C9: variants seen among roughly 807,000 people sequenced by gnomAD.
C9 encodes the protein complement component C9.
A neutral mutation model predicts 65.4 loss-of-function variants in C9; 63 were observed. That is an observed-to-expected ratio of 0.96 (90% CI 0.79 to 1.19). The LOEUF is 1.19. Among genes scored for constraint, C9 ranks in the 50% most tolerant of loss-of-function variants. The pLI is 0.00. For synonymous variants in C9, 229 were observed against 227.9 expected (o/e 1.00, Z -0.04); for missense variants, 744 against 670.1 (o/e 1.11, Z -1.22).
intron 1 of C9, among the ~76,000 whole-genome samples, chr5:39,350,163 G>A (rs2111972923): frequency 6.6e-6 from 1 of 152,220 alleles, no homozygotes; most frequent in East Asian, 1.9e-4. Context: ...CATAACATCA[G>A]GAGAGAGAGA....
At chr5:39,330,937 T>C (rs1343874661) in intron 5 of C9, among the ~76,000 whole-genome samples, 4 of 152,222 alleles carry the variant, frequency 2.6e-5, no homozygotes, top group African/African-American at 9.6e-5. Context: ...ATAAGAGCCC[T>C]GTAATAACTG....
chr5:39,346,351 C>G (rs998502332), intron 1 of C9, among the ~76,000 whole-genome samples: 1 of 152,110 alleles, frequency 6.6e-6, no homozygotes, highest in Admixed American at 6.5e-5. Flanking sequence ...CACCACTGAT[C>G]CCACAGAAAT....
chr5:39,319,130 C>T lies in C9; in HGVS notation c.616-3101G>A, dbSNP rs191189091. ...AACATAGGCCTCAGGTTGATTAATT[C>T]CCACTCCTATTTCAAGTCTTACCTG... On this transcript the variant is annotated intron_variant, in intron 5 of 10. Coordinates refer to ENST00000263408, the MANE Select transcript of C9 (RefSeq NM_001737.5). Among the ~76,000 whole-genome samples, 452 of 152,280 alleles carry T rather than the reference C, an allele frequency of 3.0e-3. 3 individuals are homozygous for T. Among genetic ancestry groups the T allele is most frequent in the South Asian group, 0.013 (61 of 4,826 alleles).
intron 9 of C9, among the ~76,000 whole-genome samples, chr5:39,289,448 T>C (rs971877438): frequency 2.0e-5 from 3 of 151,270 alleles, no homozygotes; most frequent in Non-Finnish European, 4.4e-5. Context: ...CTTGTTTTTT[T>C]TTTCCTCTAA....
At chr5:39,308,951 G>A (rs1012937319) in intron 7 of C9, among the ~76,000 whole-genome samples, 3 of 152,060 alleles carry the variant, frequency 2.0e-5, no homozygotes, top group Non-Finnish European at 4.4e-5. Flanking sequence ...GATCCTCTTT[G>A]GAAGACTCAG....
intron 4 of C9, among the ~76,000 whole-genome samples, chr5:39,333,554 A>ATCTCCC (rs369529307): frequency 0.25 from 29,060 of 116,240 alleles, 5,997 homozygotes; most frequent in African/African-American, 0.48. Flanking sequence ...AAACACTTAT[A>ATCTCCC]TCTCCCTCTC....
At chr5:39,338,899 G>T (rs778238194) in intron 4 of C9, among the ~76,000 whole-genome samples, 2 of 152,170 alleles carry the variant, frequency 1.3e-5, no homozygotes, top group Non-Finnish European at 2.9e-5. Flanking sequence ...GATTATGAAT[G>T]ATTGTTTTTC....
chr5:39,349,805 TC>T (rs1455717730), intron 1 of C9, among the ~76,000 whole-genome samples: 8 of 152,196 alleles, frequency 5.3e-5, no homozygotes, highest in African/African-American at 1.7e-4. Context: ...TTCTTTCATT[TC>T]TTTTTTCTTC....
Position 39,338,146 on chromosome 5 carries a change from A to T in C9, c.476+3000T>A, listed in dbSNP as rs1274794070. ...TGAAACCTCTTCCTAAATATTAATT[A>T]CTGATTTATACCACTCTCCTATATT... On this transcript the variant is annotated intron_variant, in intron 4 of 10. Transcript: ENST00000263408. Among the ~76,000 whole-genome samples, 4 of 152,238 alleles carry T rather than the reference A, an allele frequency of 2.6e-5. No homozygotes were observed. The East Asian group carries it at 7.7e-4, about 29-fold the overall frequency.
At chr5:39,354,097 A>C (rs1006497695) in intron 1 of C9, among the ~76,000 whole-genome samples, 52 of 152,318 alleles carry the variant, frequency 3.4e-4, no homozygotes, top group African/African-American at 1.2e-3. Flanking sequence ...TCATCTTCTA[A>C]AATTGCAGGC....
At chr5:39,292,134 T>C (rs1264519250) in intron 9 of C9, among the ~76,000 whole-genome samples, 1 of 151,722 alleles carries the variant, frequency 6.6e-6, no homozygotes, top group Admixed American at 6.6e-5. Context: ...TCCAGAAATT[T>C]AGGGAACTTC....
chr5:39,322,676 C>T (rs1330726078), intron 5 of C9, among the ~76,000 whole-genome samples: 2 of 152,074 alleles, frequency 1.3e-5, no homozygotes, highest in Non-Finnish European at 2.9e-5. Flanking sequence ...TTCATATCTG[C>T]AGGTTTTGCA....
intron 9 of C9, among the ~76,000 whole-genome samples, chr5:39,295,628 A>G (rs1397705068): frequency 6.6e-6 from 1 of 151,786 alleles, no homozygotes; most frequent in Non-Finnish European, 1.5e-5. Context: ...TGCAATCTCT[A>G]TCAAAATGAC....
intron 7 of C9, among the ~76,000 whole-genome samples, chr5:39,309,104 C>T (rs914985331): frequency 4.0e-5 from 6 of 151,578 alleles, no homozygotes; most frequent in African/African-American, 1.5e-4. Context: ...CAAACAGTTA[C>T]TAGAAAGAAA....
chr5:39,313,981 T>C (rs1753530800), intron 6 of C9, among the ~76,000 whole-genome samples: 1 of 152,210 alleles, frequency 6.6e-6, no homozygotes, highest in Non-Finnish European at 1.5e-5. Context: ...AACCTTGGAC[T>C]TATGTTTGAC....
chr5:39,315,788 T>A lies in C9; in HGVS notation c.857A>T (p.Tyr286Phe). ...GTTTTGTCTTACCTTCTTTGAAGAA[T>A]ATGACAAAAATAGTTGGTAAGTTTC... is the stretch of plus-strand genomic sequence containing the variant. ...KNETYQLFLSYSSKKEKMFLH... is the reference protein window; with the variant it reads ...KNETYQLFLSFSSKKEKMFLH... The change falls in exon 6 of 11, where the codon TAT becomes TTT. Residue 286 changes from tyrosine to phenylalanine, a missense_variant. Physicochemically the swap from Tyr to Phe is conservative, Grantham distance 22. Transcript: ENST00000263408. The A allele has an allele frequency of 6.2e-7, 1 of 1,601,664 alleles. No homozygotes were observed. The highest frequency in any genetic ancestry group is 8.6e-7 in the Non-Finnish European group (1 of 1,169,152).
At chr5:39,291,483 C>T (rs558966521) in intron 9 of C9, among the ~76,000 whole-genome samples, 3 of 151,612 alleles carry the variant, frequency 2.0e-5, no homozygotes, top group Non-Finnish European at 3.0e-5. Context: ...AGAAGGAGAA[C>T]AAAGGACAGA....
chr5:39,341,077 A>G, intron 4 of C9, 69 bp downstream of exon 4: 2 of 1,529,476 alleles, frequency 1.3e-6, no homozygotes, highest in African/African-American at 1.4e-5. Context: ...CTACCAGTCT[A>G]TCACAATGAG....
intron 4 of C9, among the ~76,000 whole-genome samples, chr5:39,337,868 A>T (rs1458209482): frequency 6.6e-6 from 1 of 152,248 alleles, no homozygotes; most frequent in Non-Finnish European, 1.5e-5. Flanking sequence ...AATTACCATG[A>T]GTGCTTGTGA....
Sources: allele counts gnomAD v4.1 joint callset (sites outside exome capture counted in the v4.1 genomes callset), GRCh38; gene constraint gnomAD v4.1.1; transcripts MANE v1.5; gene names NCBI Gene and HGNC (gene_info 2026-07-23, HGNC 2026-07-21).